The following ST6GALNAC3 variants were observed in gnomAD, a reference collection of about 807,000 sequenced individuals.
ST6GALNAC3 encodes ST6 N-acetylgalactosaminide alpha-2,6-sialyltransferase 3, also known as alpha-N-acetylgalactosaminide alpha-2,6-sialyltransferase 3.
ST6GALNAC3 carries 25 observed loss-of-function variants against 32.7 expected under a neutral mutation model. The observed-to-expected ratio is 0.76, with a 90% CI of 0.56 to 1.07. ST6GALNAC3 has a LOEUF of 1.07. Ranked by LOEUF, ST6GALNAC3 falls within the 50% of genes least tolerant of loss-of-function variation. The pLI is 0.00. For missense variants in ST6GALNAC3, 355 were observed against 382.4 expected (o/e 0.93, Z 0.60); for synonymous variants, 129 against 133.1 (o/e 0.97, Z 0.21).
chr1:76,577,315 T>C, intron 3 of ST6GALNAC3: 1 of 987,332 alleles, frequency 1.0e-6, no homozygotes, highest in Non-Finnish European at 1.2e-6. Context: ...TAGATTTCCC[T>C]TGCCACTGCC....
At chr1:76,160,571 G>A (rs1473893156) in intron 1 of ST6GALNAC3, among the ~76,000 whole-genome samples, 3 of 152,166 alleles carry the variant, frequency 2.0e-5, no homozygotes, top group African/African-American at 7.2e-5. Flanking sequence ...GATATAGGAG[G>A]CACCCATCTT....
intron 1 of ST6GALNAC3, among the ~76,000 whole-genome samples, chr1:76,285,748 T>C (rs1197157250): frequency 6.6e-6 from 1 of 151,808 alleles, no homozygotes; most frequent in Non-Finnish European, 1.5e-5. Flanking sequence ...TCCTGATAGA[T>C]AGATGCAGAG....
chr1:76,627,424 T>A (rs747943578), intron 3 of ST6GALNAC3, 28 bp from the exon 4 acceptor site: 2 of 1,437,204 alleles, frequency 1.4e-6, no homozygotes, highest in Non-Finnish European at 2.0e-6. Flanking sequence ...TTGTTCTGTT[T>A]GTTATTGTTT....
chr1:76,201,992 C>A (rs191238244), intron 1 of ST6GALNAC3, among the ~76,000 whole-genome samples: 1 of 152,154 alleles, frequency 6.6e-6, no homozygotes, highest in Non-Finnish European at 1.5e-5. Context: ...GGTAAAGTAA[C>A]AGAATCTCCA....
rs185097160 is a variant in ST6GALNAC3 at position 76,202,149 on chromosome 1, C to A, written c.19-111656C>A. Among the ~76,000 whole-genome samples the A allele has an allele frequency of 8.5e-4, 129 of 152,128 alleles. 5 individuals are homozygous for A. Among genetic ancestry groups the A allele is most frequent in the Middle Eastern group, 3.4e-3 (1 of 292 alleles). On this transcript the variant is annotated intron_variant, in intron 1 of 4. Coordinates refer to ENST00000328299, the MANE Select transcript of ST6GALNAC3 (RefSeq NM_152996.4). Reference sequence around the variant, plus strand: ...ACAGAGAGAAACAAAACCATGAATACATCTTTGATTTCAGGTTTAACTCAA... The same window carrying A: ...ACAGAGAGAAACAAAACCATGAATAAATCTTTGATTTCAGGTTTAACTCAA...
chr1:76,636,836 T>A (rs146069711), downstream of ST6GALNAC3: 2 of 152,374 alleles, frequency 1.3e-5, no homozygotes, highest in East Asian at 3.9e-4. Flanking sequence ...GCTGGGACTC[T>A]AAAAGCAATA....
In ST6GALNAC3 at chr1:76,575,960, A is replaced by T. The variant is rs187797709; in HGVS notation, c.624-51492A>T. Among the ~76,000 whole-genome samples, 135 of 152,182 alleles carry T rather than the reference A, an allele frequency of 8.9e-4. 2 individuals carry two copies. In the Middle Eastern group the frequency reaches 0.01, roughly 12 times the overall value. ...CCAAGATTCTGAGAAGATACCAAAT[A>T]AAAATCTTGGAACCAATAGAAAGCA... is the stretch of plus-strand genomic sequence containing the variant. On this transcript the variant is annotated intron_variant, in intron 3 of 4. Transcript: ENST00000328299.
At chr1:76,603,262 G>T (rs1271278478) in intron 3 of ST6GALNAC3, among the ~76,000 whole-genome samples, 1 of 152,160 alleles carries the variant, frequency 6.6e-6, no homozygotes, top group Admixed American at 6.6e-5. Flanking sequence ...ACAGGTGTGT[G>T]AATGTTTACA....
intron 3 of ST6GALNAC3, among the ~76,000 whole-genome samples, chr1:76,449,308 A>G (rs763076840): frequency 4.6e-5 from 7 of 152,114 alleles, no homozygotes; most frequent in Non-Finnish European, 1.0e-4. Flanking sequence ...ATGACAGTTT[A>G]TTTATCCATC....
chr1:76,365,485 AT>A, intron 2 of ST6GALNAC3, among the ~76,000 whole-genome samples: 1 of 152,336 alleles, frequency 6.6e-6, no homozygotes, highest in African/African-American at 2.4e-5. Flanking sequence ...ATAAAATAAC[AT>A]TTCAAATTTA....
chr1:76,088,457 C>T (rs1453014920), intron 1 of ST6GALNAC3, among the ~76,000 whole-genome samples: 1 of 152,118 alleles, frequency 6.6e-6, no homozygotes, highest in Admixed American at 6.6e-5. Context: ...TGAAGAATTT[C>T]CAATCAGATC....
At chr1:76,377,823 C>T (rs541056498) in intron 2 of ST6GALNAC3, among the ~76,000 whole-genome samples, 1 of 152,140 alleles carries the variant, frequency 6.6e-6, no homozygotes, top group African/African-American at 2.4e-5. Context: ...TTCTTAGTGT[C>T]ATGTCTGACA....
At chr1:76,472,118 C>G (rs12072202) in intron 3 of ST6GALNAC3, among the ~76,000 whole-genome samples, 35,903 of 151,878 alleles carry the variant, frequency 0.24, 5,512 homozygotes, top group African/African-American at 0.44. Context: ...TTGTGAGTTT[C>G]TTGTTTGAAA....
chr1:76,330,669 C>A (rs1278967359), intron 2 of ST6GALNAC3, among the ~76,000 whole-genome samples: 2 of 152,158 alleles, frequency 1.3e-5, no homozygotes, highest in Non-Finnish European at 2.9e-5. Flanking sequence ...TCAAAGCAAC[C>A]CTATGTAATA....
chr1:76,339,173 A>G (rs1647751409), intron 2 of ST6GALNAC3, among the ~76,000 whole-genome samples: 1 of 152,190 alleles, frequency 6.6e-6, no homozygotes, highest in Non-Finnish European at 1.5e-5. Flanking sequence ...TAATTCCTGG[A>G]AGCTGTGACC....
intron 3 of ST6GALNAC3, among the ~76,000 whole-genome samples, chr1:76,575,419 G>T (rs752757392): frequency 4.1e-4 from 63 of 152,024 alleles, no homozygotes; most frequent in African/African-American, 1.5e-3. Context: ...GAGCACTCAC[G>T]CTGTATCAGA....
chr1:76,481,662 A>G (rs1248985172), intron 3 of ST6GALNAC3, among the ~76,000 whole-genome samples: 2 of 152,206 alleles, frequency 1.3e-5, no homozygotes, highest in Admixed American at 6.6e-5. Flanking sequence ...ATAGTTCATC[A>G]GCACTATGTG....
At chr1:76,200,399 C>T (rs1291825032) in intron 1 of ST6GALNAC3, among the ~76,000 whole-genome samples, 1 of 152,122 alleles carries the variant, frequency 6.6e-6, no homozygotes, top group Admixed American at 6.5e-5. Context: ...TGTGAGTTTC[C>T]AAGACCCAGC....
intron 2 of ST6GALNAC3, among the ~76,000 whole-genome samples, chr1:76,334,378 CA>C (rs1647302458): frequency 6.6e-6 from 1 of 152,110 alleles, no homozygotes; most frequent in Admixed American, 6.5e-5. Context: ...GAAATCACAA[CA>C]GCATACAATA....
Sources: allele counts gnomAD v4.1 joint callset (sites outside exome capture counted in the v4.1 genomes callset), GRCh38; gene constraint gnomAD v4.1.1; transcripts MANE v1.5; gene names NCBI Gene and HGNC (gene_info 2026-07-23, HGNC 2026-07-21).